The following ADAMTS14 variants were observed in gnomAD, a reference collection of about 807,000 sequenced individuals.
The protein encoded by ADAMTS14 is A disintegrin and metalloproteinase with thrombospondin motifs 14.
Under a neutral mutation model 128.6 loss-of-function variants are expected in ADAMTS14, and 100 were observed. The observed-to-expected ratio is 0.78, with a 90% CI of 0.66 to 0.92. The LOEUF is 0.92. Ranked by LOEUF, ADAMTS14 falls within the 40% of genes least tolerant of loss-of-function variation. The pLI, the probability that ADAMTS14 is intolerant of heterozygous loss-of-function variation, is 0.00. For missense variants in ADAMTS14, 1,562 were observed against 1,658.6 expected (o/e 0.94, Z 1.01); for synonymous variants, 665 against 653.8 (o/e 1.02, Z -0.26).
Position 70,759,129 on chromosome 10 carries a change from T to TTTTTTTTTTTTTTTTTTGAG in ADAMTS14, c.3178+844_3178+845insTTTTTTTTTTTTTTTTTGAG, listed in dbSNP as rs1485675752. On this transcript the variant is annotated intron_variant, in intron 21 of 21. Transcript: ENST00000373207. ...AAAGGACCTTCTACCTCCAATCTTC[T>TTTTTTTTTTTTTTTTTTGAG]ACTTCTCTGCTCCTAGGCTGAGGTT... Among the ~76,000 whole-genome samples the TTTTTTTTTTTTTTTTTTGAG allele has an allele frequency of 7.1e-5, 8 of 112,612 alleles. 2 individuals are homozygous for TTTTTTTTTTTTTTTTTTGAG. The highest frequency in any genetic ancestry group is 5.9e-4 in the South Asian group (2 of 3,412). 73.9% of individuals were successfully genotyped at this position (112,612 alleles called of 152,430 possible). A position where few individuals can be genotyped will look rare whatever the true frequency, so the allele number is the denominator to read the frequency against.
At position 70,735,292 on chromosome 10, in the gene ADAMTS14, C is replaced by G; in HGVS notation, c.1476C>G (p.Thr492=). Residue 492 remains threonine (T), a synonymous_variant, in exon 9 of 22, where the codon ACC becomes ACG. Coordinates refer to ENST00000373207, the MANE Select transcript of ADAMTS14 (RefSeq NM_080722.4). ...TTGACTTTGGCAGTGGCTACCAGAC[C>G]TGCTTGGCAGTAAGTAGCCATCTGG... The part of the protein sequence containing the change: ...CRFDFGSGYQ[T]CLAFRTFEPC... The G allele has an allele frequency of 6.2e-7, 1 of 1,613,856 alleles. No homozygotes were observed. The highest frequency in any genetic ancestry group is 8.5e-7 in the Non-Finnish European group (1 of 1,179,912).
At chr10:70,752,257 C>G in intron 18 of ADAMTS14, 30 bp downstream of exon 18, 1 of 1,611,198 alleles carries the variant, frequency 6.2e-7, no homozygotes, top group South Asian at 1.1e-5. Context: ...GACGGGGAGT[C>G]TGGTTCTATG....
chr10:70,693,028 G>A (rs1840235630), intron 2 of ADAMTS14, among the ~76,000 whole-genome samples: 1 of 152,200 alleles, frequency 6.6e-6, no homozygotes, highest in African/African-American at 2.4e-5. Flanking sequence ...GCCTCAGGAA[G>A]TTTGCAATCA....
At chr10:70,751,132 C>T (rs1842335948) in intron 16 of ADAMTS14, among the ~76,000 whole-genome samples, 1 of 152,182 alleles carries the variant, frequency 6.6e-6, no homozygotes, top group South Asian at 2.1e-4. Context: ...TGTTAACTGC[C>T]TTCTAGAGCC....
intron 4 of ADAMTS14, among the ~76,000 whole-genome samples, chr10:70,718,258 C>A (rs1227991264): frequency 6.6e-6 from 1 of 152,164 alleles, no homozygotes; most frequent in Non-Finnish European, 1.5e-5. Flanking sequence ...TCTTTCCTCT[C>A]TTTTTGGTCT....
chr10:70,730,524 G>A (rs894034572), intron 6 of ADAMTS14, among the ~76,000 whole-genome samples: 19 of 152,186 alleles, frequency 1.2e-4, no homozygotes, highest in South Asian at 2.1e-4. Context: ...CCAGAGCCTG[G>A]CTGCTGGAAG....
intron 4 of ADAMTS14, among the ~76,000 whole-genome samples, chr10:70,724,573 T>G (rs568279651): frequency 6.6e-6 from 1 of 152,184 alleles, no homozygotes; most frequent in Non-Finnish European, 1.5e-5. Context: ...CATGGTGCCA[T>G]GTGTCACACG....
chr10:70,757,293 C>T (rs377310221), intron 19 of ADAMTS14, among the ~76,000 whole-genome samples: 13 of 152,122 alleles, frequency 8.5e-5, no homozygotes, highest in African/African-American at 2.9e-4. Context: ...TCCTTGTACC[C>T]GCACCCTGCT....
chr10:70,741,719 C>T (rs981462618), intron 12 of ADAMTS14, among the ~76,000 whole-genome samples: 7 of 152,140 alleles, frequency 4.6e-5, no homozygotes, highest in African/African-American at 1.7e-4. Context: ...TCTAGGCTGC[C>T]CTGGGACATA....
At chr10:70,726,713 C>T (rs1841441611) in intron 4 of ADAMTS14, among the ~76,000 whole-genome samples, 1 of 152,142 alleles carries the variant, frequency 6.6e-6, no homozygotes. Context: ...TCTCAGTGAT[C>T]AGCAAAGACT....
intron 3 of ADAMTS14, among the ~76,000 whole-genome samples, chr10:70,704,406 C>T (rs537083748): frequency 6.6e-6 from 1 of 151,874 alleles, no homozygotes; most frequent in Non-Finnish European, 1.5e-5. Flanking sequence ...ACCCATATAC[C>T]CGCACTCACC....
intron 4 of ADAMTS14, among the ~76,000 whole-genome samples, chr10:70,727,557 ACCGCGCTGGTGGCATCACATCC>A (rs1227760363): frequency 7.0e-5 from 6 of 85,130 alleles, no homozygotes; most frequent in Non-Finnish European, 1.7e-4. Flanking sequence ...CACATCCCTG[ACCGCGCTGGTGGCATCACATCC>A]CTGACTGCGC....
At chr10:70,717,114 A>G (rs916551649) in intron 4 of ADAMTS14, among the ~76,000 whole-genome samples, 2 of 152,258 alleles carry the variant, frequency 1.3e-5, no homozygotes. Context: ...AGTTGTTTTC[A>G]GCATTTAGTG....
Position 70,758,006 on chromosome 10 carries a change from G to A in ADAMTS14, c.2982G>A (p.Val994=), listed in dbSNP as rs774736694. The A allele has an allele frequency of 2.5e-6, 4 of 1,613,400 alleles. 1 individual carries two copies. The highest frequency in any genetic ancestry group is 2.2e-5 in the South Asian group (2 of 91,004). The part of the protein sequence containing the change: ...CGEGIQQRQV[V]CRTNANSLGH... ...AGGGCATCCAGCAGCGGCAGGTGGT[G>A]TGCAGGACCAACGCCAACAGCCTCG... The change falls in exon 20 of 22, where the codon GTG becomes GTA. Residue 994 remains valine, a synonymous_variant. Coordinates refer to ENST00000373207, the MANE Select transcript of ADAMTS14 (RefSeq NM_080722.4).
intron 2 of ADAMTS14, among the ~76,000 whole-genome samples, chr10:70,684,616 G>A (rs533230060): frequency 6.6e-6 from 1 of 152,366 alleles, no homozygotes; most frequent in African/African-American, 2.4e-5. Flanking sequence ...GTAGTTTTGT[G>A]GGTTAGAAAT....
intron 4 of ADAMTS14, among the ~76,000 whole-genome samples, chr10:70,724,624 A>C (rs1287174336): frequency 6.6e-6 from 1 of 152,128 alleles, no homozygotes; most frequent in African/African-American, 2.4e-5. Flanking sequence ...CTGTCCAGCC[A>C]CCTTCTTGGC....
chr10:70,727,821 C>T (rs541588525), intron 4 of ADAMTS14, among the ~76,000 whole-genome samples: 220 of 152,332 alleles, frequency 1.4e-3, no homozygotes, highest in Non-Finnish European at 2.6e-3. Flanking sequence ...CTCGGCCGGG[C>T]GCGGTGGCTC....
intron 6 of ADAMTS14, 46 bp from the exon 7 acceptor site, chr10:70,732,208 C>T (rs1453250095): frequency 1.3e-6 from 2 of 1,542,350 alleles, no homozygotes; most frequent in African/African-American, 1.4e-5. Context: ...TCCTGCCTCA[C>T]CTGCCCTCCA....
At chr10:70,706,707 G>A (rs1840678910) in intron 3 of ADAMTS14, among the ~76,000 whole-genome samples, 1 of 152,232 alleles carries the variant, frequency 6.6e-6, no homozygotes, top group African/African-American at 2.4e-5. Flanking sequence ...GTGGCCACAC[G>A]TTTTTCCAGC....
Sources: gnomAD v4.1 joint callset for allele counts (sites outside exome capture counted in the v4.1 genomes callset) on GRCh38, gnomAD v4.1.1 for gene constraint, MANE v1.5 for transcripts, NCBI Gene and HGNC (gene_info 2026-07-23, HGNC 2026-07-21) for gene names.